Variants in LRTM3 observed in about 807,000 individuals in gnomAD.
LRTM3 encodes leucine-rich repeat transmembrane protein 3.
the LRTM3 span, chr13:102,733,901 CTATT>C: frequency 6.4e-7 from 1 of 1,551,252 alleles, no homozygotes; most frequent in Admixed American, 2.0e-5. Context: ...AACTGAGTCT[CTATT>C]TGTTATTTTC....
the LRTM3 span, chr13:102,733,020 T>C: frequency 8.4e-6 from 13 of 1,551,300 alleles, no homozygotes; most frequent in Admixed American, 2.0e-5. Context: ...GCAGGGTCAA[T>C]CTCTGTCATA....
the LRTM3 span, chr13:102,740,177 A>G: frequency 1.3e-6 from 2 of 1,548,104 alleles, no homozygotes; most frequent in Non-Finnish European, 1.7e-6. Flanking sequence ...ATTATTTGAT[A>G]TTAAATCAAA....
the LRTM3 span, chr13:102,744,199 A>G: frequency 1.3e-6 from 2 of 1,550,480 alleles, no homozygotes; most frequent in South Asian, 1.2e-5. Context: ...ACAACTGCAA[A>G]ATTCGTAGTT....
chr13:102,742,808 G>A, the LRTM3 span: 1 of 1,550,236 alleles, frequency 6.5e-7, no homozygotes, highest in Non-Finnish European at 8.7e-7. Context: ...TGGGACAATT[G>A]CTGCCAAATT....
the LRTM3 span, among the ~76,000 whole-genome samples, chr13:102,755,118 G>A: frequency 6.6e-6 from 1 of 152,028 alleles, no homozygotes; most frequent in Admixed American, 6.6e-5. Context: ...TCGGGTCCCC[G>A]GATTTCAGAT....
At chr13:102,758,941 C>G in the LRTM3 span, 4 of 1,463,486 alleles carry the variant, frequency 2.7e-6, no homozygotes, top group Admixed American at 8.6e-5. Flanking sequence ...ATTTTAATGT[C>G]ATATGTGAAA....
the LRTM3 span, chr13:102,736,899 A>T: frequency 6.4e-7 from 1 of 1,551,130 alleles, no homozygotes; most frequent in East Asian, 2.4e-5. Context: ...TCCATGTGCC[A>T]TGAGGGTGGA....
chr13:102,731,428 T>C, the LRTM3 span: 1 of 1,551,474 alleles, frequency 6.4e-7, no homozygotes, highest in Admixed American at 2.0e-5. Flanking sequence ...TTTCAAGTGC[T>C]TTTGACTCTA....
At chr13:102,737,182 T>C in the LRTM3 span, 1 of 1,551,096 alleles carries the variant, frequency 6.4e-7, no homozygotes, top group Non-Finnish European at 8.7e-7. Flanking sequence ...CTGTTTTTCC[T>C]CTATCTACTT....
the LRTM3 span, chr13:102,735,947 T>A: frequency 2.6e-6 from 4 of 1,546,596 alleles, no homozygotes; most frequent in Non-Finnish European, 3.5e-6. Context: ...CAAAGAGTAG[T>A]TCTTTCCATT....
the LRTM3 span, chr13:102,748,481 G>C: frequency 7.7e-6 from 12 of 1,551,026 alleles, no homozygotes; most frequent in African/African-American, 1.2e-4. Flanking sequence ...CGTTTTTGGT[G>C]TACTGGTTGG....
At chr13:102,749,347 T>G in the LRTM3 span, 1 of 1,551,360 alleles carries the variant, frequency 6.4e-7, no homozygotes, top group South Asian at 1.2e-5. Flanking sequence ...ATGAAACAAT[T>G]TGTTGCTGGC....
chr13:102,731,402 A>G, the LRTM3 span: 1 of 1,551,474 alleles, frequency 6.4e-7, no homozygotes, highest in Non-Finnish European at 8.7e-7. Context: ...CATCTCTGGT[A>G]TCAGATTCAG....
the LRTM3 span, chr13:102,758,859 C>T: frequency 6.5e-7 from 1 of 1,550,044 alleles, no homozygotes; most frequent in Non-Finnish European, 8.7e-7. Flanking sequence ...TAGAAAGTCC[C>T]ATAATGTCAT....
At chr13:102,733,435 A>G in the LRTM3 span, 2 of 1,551,352 alleles carry the variant, frequency 1.3e-6, no homozygotes, top group Non-Finnish European at 1.7e-6. Context: ...CTGAAACAGA[A>G]AATCCTTTTG....
chr13:102,737,549 C>T, the LRTM3 span: 3 of 1,549,866 alleles, frequency 1.9e-6, no homozygotes, highest in Non-Finnish European at 2.6e-6. Flanking sequence ...TTGCTCCTGG[C>T]CTTCTCCATC....
the LRTM3 span, chr13:102,731,532 C>T: frequency 7.5e-5 from 117 of 1,551,214 alleles, no homozygotes; most frequent in Admixed American, 2.6e-4. Context: ...GATATTGTAT[C>T]TGGACCCTCT....
chr13:102,742,147 CT>C, the LRTM3 span: 1 of 1,550,308 alleles, frequency 6.5e-7, no homozygotes, highest in African/African-American at 1.4e-5. Flanking sequence ...CATAAACAGC[CT>C]TTAGAACTCG....
At chr13:102,746,479 C>T in the LRTM3 span, 7 of 1,551,044 alleles carry the variant, frequency 4.5e-6, no homozygotes, top group Non-Finnish European at 6.1e-6. Flanking sequence ...ATTCAGGTAC[C>T]AATCCTTTAG....
Sources: gnomAD v4.1 joint callset for allele counts (sites outside exome capture counted in the v4.1 genomes callset) on GRCh38, gnomAD v4.1.1 for gene constraint, MANE v1.5 for transcripts, NCBI Gene and HGNC (gene_info 2026-07-23, HGNC 2026-07-21) for gene names.